Variants in TMEM236 observed in about 807,000 individuals in gnomAD.
TMEM236 encodes the protein family with sequence similarity 23, member A.
In TMEM236, 11 loss-of-function variants were observed where a neutral mutation model predicts 14.7. That is an observed-to-expected ratio of 0.75 (90% CI 0.47 to 1.24). TMEM236 has a LOEUF of 1.24. Ranked by LOEUF, TMEM236 falls within the 50% of genes most tolerant of loss-of-function variation. The probability of loss-of-function intolerance (pLI) is 0.00; values close to 1 mark genes in which losing one functional copy is unlikely to be tolerated. For missense variants in TMEM236, 464 were observed against 427.3 expected (o/e 1.09, Z -0.76); for synonymous variants, 182 against 168.6 (o/e 1.08, Z -0.62).
At chr10:17,792,331 C>G (rs1274075554) in intron 3 of TMEM236, among the ~76,000 whole-genome samples, 2 of 152,160 alleles carry the variant, frequency 1.3e-5, no homozygotes, top group Non-Finnish European at 2.9e-5. Flanking sequence ...CAAGCGATCC[C>G]CCTGTTTCAG....
chr10:17,758,156 G>A (rs1837309438), intron 1 of TMEM236, among the ~76,000 whole-genome samples: 1 of 152,302 alleles, frequency 6.6e-6, no homozygotes, highest in African/African-American at 2.4e-5. Context: ...TATATAGGGT[G>A]TCATGTCTTG....
chr10:17,796,789 G>A lies in TMEM236; in HGVS notation c.*285G>A. 2.4e-6 allele frequency: 1 copy of A among 415,922 alleles called. No homozygotes were observed. The highest frequency in any genetic ancestry group is 2.2e-5 in the South Asian group (1 of 45,132). The allele number at this position is 415,922 out of a possible 1,614,324, so 25.8% of individuals were successfully genotyped here. On this transcript the variant is annotated 3_prime_UTR_variant, in exon 4 of 4. Coordinates refer to ENST00000377495, the MANE Select transcript of TMEM236 (RefSeq NM_001098844.3). ...TGTATACTGAGGTCCCCAACCCCTGGACCATGGTCCCAGTACTGGTCCGTG... is the reference window on the plus strand; with the variant it reads ...TGTATACTGAGGTCCCCAACCCCTGAACCATGGTCCCAGTACTGGTCCGTG...
At chr10:17,760,552 T>C (rs1837347394) in intron 1 of TMEM236, among the ~76,000 whole-genome samples, 2 of 152,224 alleles carry the variant, frequency 1.3e-5, no homozygotes, top group South Asian at 4.1e-4. Flanking sequence ...CACATTTCCT[T>C]TACAGTTTGG....
chr10:17,798,849 G>A lies in TMEM236; in HGVS notation c.*2345G>A. 1 of 374,206 alleles carries A rather than the reference G, an allele frequency of 2.7e-6. No homozygotes were observed. Among genetic ancestry groups the A allele is most frequent in the South Asian group, 2.1e-5 (1 of 48,236 alleles). The allele number at this position is 374,206 out of a possible 1,614,324, so 23.2% of individuals were successfully genotyped here. On this transcript the variant is annotated 3_prime_UTR_variant, in exon 4 of 4. Transcript: ENST00000377495. ...GGCAAACCATAATAACTTGATAAAT[G>A]CTAAGCATTGGAACGGGTACCAAGT...
chr10:17,796,577 G>C lies in TMEM236; in HGVS notation c.*73G>C, dbSNP rs1384655286. ...ATTTGTAATCCTTCTTTTTTTCTTG[G>C]GGCGTAGGTGTTTGCACTATAAAGG... On this transcript the variant is annotated 3_prime_UTR_variant, in exon 4 of 4. Transcript: ENST00000377495. 7.5e-7 allele frequency: 1 copy of C among 1,339,800 alleles called. No individual in the cohort carries two copies. The highest frequency in any genetic ancestry group is 1.1e-6 in the Non-Finnish European group (1 of 936,970). The allele number at this position is 1,339,800 out of a possible 1,614,324, so 83.0% of individuals were successfully genotyped here.
intron 1 of TMEM236, among the ~76,000 whole-genome samples, chr10:17,761,892 T>G (rs35924536): frequency 0.14 from 20,660 of 152,020 alleles, 2,041 homozygotes; most frequent in East Asian, 0.38. Flanking sequence ...CTCACTACTT[T>G]CTGTGGCTCT....
chr10:17,795,308 G>A (rs1837993077), intron 3 of TMEM236, among the ~76,000 whole-genome samples: 1 of 152,156 alleles, frequency 6.6e-6, no homozygotes. Flanking sequence ...ATCTAGGTGT[G>A]AATTGCAGCT....
chr10:17,786,702 TG>T (rs1444736769), intron 3 of TMEM236, among the ~76,000 whole-genome samples: 4 of 152,196 alleles, frequency 2.6e-5, no homozygotes, highest in Admixed American at 2.0e-4. Flanking sequence ...CTTCTTCCTA[TG>T]AGATCACAAA....
At chr10:17,795,886 A>G in intron 3 of TMEM236, 35 bp from the exon 4 acceptor site, 1 of 1,603,950 alleles carries the variant, frequency 6.2e-7, no homozygotes, top group Non-Finnish European at 8.5e-7. Flanking sequence ...GATACATTTT[A>G]AAAACTAAAA....
At chr10:17,769,527 C>T (rs1837532218) in intron 1 of TMEM236, among the ~76,000 whole-genome samples, 1 of 152,192 alleles carries the variant, frequency 6.6e-6, no homozygotes, top group East Asian at 1.9e-4. Flanking sequence ...CGGGAATAAT[C>T]TCTGGGGCAT....
intron 3 of TMEM236, among the ~76,000 whole-genome samples, chr10:17,776,806 G>A (rs879250562): frequency 0.24 from 36,505 of 152,070 alleles, 4,633 homozygotes; most frequent in African/African-American, 0.35. Flanking sequence ...TCAACAAGAT[G>A]TGTCACATCT....
rs1035510010 is a variant in TMEM236, at chr10:17,759,326, A to G, written c.257+6774A>G. On this transcript the variant is annotated intron_variant, in intron 1 of 3. Transcript: ENST00000377495. ...ACATTGGCAGTAGGATAATCCTAGA[A>G]TATTTGTGGAGGTTCCCAGACTGTC... is the stretch of plus-strand genomic sequence containing the variant. Among the ~76,000 whole-genome samples the G allele has an allele frequency of 5.4e-4, 83 of 152,314 alleles. 1 individual carries two copies. The highest frequency in any genetic ancestry group is 5.8e-4 in the East Asian group (3 of 5,188).
In TMEM236 at chr10:17,799,687, C is replaced by G. The variant is rs1838066963; in HGVS notation, c.*3183C>G. ...CATCAAGGGATTCATTTATGATATT[C>G]CTAAATATGAAAATATTTTGTGTAA... On this transcript the variant is annotated 3_prime_UTR_variant, in exon 4 of 4. Coordinates refer to ENST00000377495, the MANE Select transcript of TMEM236 (RefSeq NM_001098844.3). The G allele has an allele frequency of 6.6e-6, 1 of 152,444 alleles. No homozygotes were observed. The highest frequency in any genetic ancestry group is 2.4e-5 in the African/African-American group (1 of 41,376). 9.4% of individuals were successfully genotyped at this position (152,444 alleles called of 1,614,324 possible).
intron 1 of TMEM236, 43 bp from the exon 2 acceptor site, chr10:17,771,266 T>A (rs1837566844): frequency 6.4e-7 from 1 of 1,574,530 alleles, no homozygotes; most frequent in African/African-American, 1.4e-5. Flanking sequence ...GAACTGTCGA[T>A]CTTGTCCATG....
chr10:17,763,764 G>C (rs928702072), intron 1 of TMEM236, among the ~76,000 whole-genome samples: 2 of 152,220 alleles, frequency 1.3e-5, no homozygotes, highest in African/African-American at 2.4e-5. Flanking sequence ...TGCTTAGAAA[G>C]GAGCAGGTGG....
chr10:17,781,557 C>T (rs1837748834), intron 3 of TMEM236, among the ~76,000 whole-genome samples: 2 of 151,896 alleles, frequency 1.3e-5, no homozygotes, highest in South Asian at 4.2e-4. Context: ...ACCAGCCTGG[C>T]CAACATGGTG....
chr10:17,767,831 A>G (rs1362088250), intron 1 of TMEM236, among the ~76,000 whole-genome samples: 2 of 151,794 alleles, frequency 1.3e-5, no homozygotes, highest in Non-Finnish European at 2.9e-5. Flanking sequence ...TGTAGGAGAG[A>G]CTTCAGTATA....
At chr10:17,759,982 CAAAAAAAAAA>C (rs35596189) in intron 1 of TMEM236, among the ~76,000 whole-genome samples, 10 of 54,702 alleles carry the variant, frequency 1.8e-4, no homozygotes, top group East Asian at 5.4e-4. Context: ...GACTCCGTCT[CAAAAAAAAAA>C]AAAAAAAAAA....
chr10:17,769,082 A>G (rs1837525717), intron 1 of TMEM236, among the ~76,000 whole-genome samples: 1 of 152,124 alleles, frequency 6.6e-6, no homozygotes, highest in Non-Finnish European at 1.5e-5. Context: ...TTTCCCCAAC[A>G]TTGGAGCAGT....
Sources: allele counts gnomAD v4.1 joint callset (sites outside exome capture counted in the v4.1 genomes callset), GRCh38; gene constraint gnomAD v4.1.1; transcripts MANE v1.5; gene names NCBI Gene and HGNC (gene_info 2026-07-23, HGNC 2026-07-21).